The following RGS6 variants were observed in gnomAD, a reference collection of about 807,000 sequenced individuals.
RGS6 encodes the protein regulator of G-protein signaling 6.
Under a neutral mutation model 78.5 loss-of-function variants are expected in RGS6, and 30 were observed. The ratio of observed to expected loss-of-function variants is 0.38; its 90% CI spans 0.29 to 0.52. RGS6 has a LOEUF of 0.52. RGS6 is among the 20% of genes least tolerant of loss of function. The pLI, the probability that RGS6 is intolerant of heterozygous loss-of-function variation, is 0.85. For synonymous variants in RGS6, 206 were observed against 206.0 expected, an observed-to-expected ratio of 1.00 and a Z score of 0.00; for missense variants, 495 against 609.7, an observed-to-expected ratio of 0.81 and a Z score of 1.98.
chr14:71,897,195 A>G, the RGS6 span, among the ~76,000 whole-genome samples: 1 of 152,238 alleles, frequency 6.6e-6, no homozygotes, highest in East Asian at 1.9e-4. Context: ...GAATCAATGA[A>G]TAAATATTCT....
chr14:72,340,812 C>T, intron 2 of RGS6, among the ~76,000 whole-genome samples: 1 of 152,192 alleles, frequency 6.6e-6, no homozygotes, highest in Non-Finnish European at 1.5e-5. Context: ...TTTCTATTCT[C>T]TACTTCTGTC....
At chr14:72,269,135 CCCCCCCA>C (rs1175710987) in intron 2 of RGS6, among the ~76,000 whole-genome samples, 1 of 45,702 alleles carries the variant, frequency 2.2e-5, no homozygotes, top group Middle Eastern at 9.4e-3. Context: ...ATTACCTCCG[CCCCCCCA>C]CCACCCACCT....
intron 2 of RGS6, among the ~76,000 whole-genome samples, chr14:72,251,795 C>T (rs1594821688): frequency 1.3e-5 from 2 of 152,254 alleles, no homozygotes; most frequent in East Asian, 3.9e-4. Context: ...GTTCATTCCC[C>T]CAAACCTTAG....
intron 13 of RGS6, among the ~76,000 whole-genome samples, chr14:72,502,661 G>GCCTGAGGCAGGAGAATAGTTTGAA (rs1438561893): frequency 6.6e-6 from 1 of 152,198 alleles, no homozygotes. Context: ...GTACTCGGGA[G>GCCTGAGGCAGGAGAATAGTTTGAA]CCTGAGGCAG....
intron 2 of RGS6, among the ~76,000 whole-genome samples, chr14:71,977,073 T>A (rs2094172954): frequency 1.6e-5 from 2 of 121,596 alleles, no homozygotes; most frequent in Admixed American, 8.2e-5. Context: ...TTGAGAAGTG[T>A]CTGTTCATGT....
At chr14:72,229,865 C>T (rs1465211876) in intron 2 of RGS6, among the ~76,000 whole-genome samples, 2 of 152,178 alleles carry the variant, frequency 1.3e-5, no homozygotes, top group Non-Finnish European at 2.9e-5. Context: ...GGAGATACAT[C>T]CTTATATCTC....
At chr14:72,341,072 C>T (rs1043746363) in intron 2 of RGS6, among the ~76,000 whole-genome samples, 1 of 152,142 alleles carries the variant, frequency 6.6e-6, no homozygotes, top group South Asian at 2.1e-4. Context: ...TTAGTTCATT[C>T]TCACACTACT....
chr14:72,179,008 C>T (rs747751172), intron 2 of RGS6, among the ~76,000 whole-genome samples: 9 of 152,284 alleles, frequency 5.9e-5, no homozygotes, highest in African/African-American at 1.9e-4. Flanking sequence ...GGATCCAGCA[C>T]ATATTTCTGA....
chr14:72,560,857 A>G (rs2097665817), intron 17 of RGS6, among the ~76,000 whole-genome samples: 1 of 150,644 alleles, frequency 6.6e-6, no homozygotes, highest in Non-Finnish European at 1.5e-5. Context: ...GGGGAGAAAA[A>G]ATGAAAAGTT....
intron 12 of RGS6, among the ~76,000 whole-genome samples, chr14:72,481,602 T>A (rs1202388895): frequency 3.9e-5 from 6 of 152,176 alleles, no homozygotes; most frequent in African/African-American, 1.4e-4. Flanking sequence ...GTCCATTGTC[T>A]TCCTGAGTGC....
rs1283768443 is a variant in RGS6, at chr14:72,540,098, AG to A, written c.1422+5del. ...AGAAAAGTTCACTCGCAGTGTGGTA[AG>A]TTCAGTCGGTTTTCTTCCCTCAGCT... is the stretch of plus-strand genomic sequence containing the variant. On this transcript the variant is annotated splice_donor_5th_base_variant and intron_variant, in intron 17 of 17. Coordinates refer to ENST00000553525, the MANE Select transcript of RGS6 (RefSeq NM_001204424.2). The A allele has an allele frequency of 1.3e-6, 2 of 1,586,254 alleles. No homozygotes were observed. The highest frequency in any genetic ancestry group is 1.7e-6 in the Non-Finnish European group (2 of 1,176,634).
intron 2 of RGS6, among the ~76,000 whole-genome samples, chr14:71,973,922 A>G (rs1342513083): frequency 1.3e-5 from 2 of 152,212 alleles, no homozygotes; most frequent in Non-Finnish European, 2.9e-5. Context: ...GTGTCCACAG[A>G]TGAAAGGGAT....
chr14:72,470,699 G>A (rs1394285825), intron 8 of RGS6, among the ~76,000 whole-genome samples: 4 of 152,058 alleles, frequency 2.6e-5, no homozygotes, highest in Non-Finnish European at 4.4e-5. Flanking sequence ...GACTAACATG[G>A]TGAAACCCCG....
rs374012738 is a variant in RGS6 at position 72,560,402 on chromosome 14, C to T, written c.1423-2015C>T. On this transcript the variant is annotated intron_variant, in intron 17 of 17. Transcript: ENST00000553525. The stretch of plus-strand genomic sequence containing the variant: ...AGGAGGCCCCTAGGCTCAGCAGCCC[C>T]GTGTTTCCCCAGCAAGGATGCCCCA... Among the ~76,000 whole-genome samples, 216 of 152,254 alleles carry T rather than the reference C, an allele frequency of 1.4e-3. 1 individual carries two copies. Among genetic ancestry groups the T allele is most frequent in the African/African-American group, 5.1e-3 (213 of 41,544 alleles).
chr14:72,444,781 C>T (rs1468939984), intron 3 of RGS6, among the ~76,000 whole-genome samples: 1 of 152,294 alleles, frequency 6.6e-6, no homozygotes, highest in East Asian at 1.9e-4. Flanking sequence ...AGGTTGATGA[C>T]CCCTGGTTTA....
the RGS6 span, among the ~76,000 whole-genome samples, chr14:71,911,299 C>G: frequency 6.6e-6 from 1 of 152,200 alleles, no homozygotes; most frequent in Admixed American, 6.5e-5. Context: ...CAAGAACCAT[C>G]ACACTTCTTT....
chr14:72,057,568 A>T (rs150218385), intron 2 of RGS6, among the ~76,000 whole-genome samples: 22 of 152,110 alleles, frequency 1.4e-4, no homozygotes, highest in Admixed American at 1.4e-3. Flanking sequence ...TCCCATGATG[A>T]TACTCGCTGC....
chr14:72,011,299 C>A (rs750680205), intron 2 of RGS6, among the ~76,000 whole-genome samples: 13 of 152,138 alleles, frequency 8.5e-5, no homozygotes, highest in Non-Finnish European at 1.6e-4. Flanking sequence ...GGGTTCTAGT[C>A]CTGCTTTCAA....
At chr14:72,277,061 T>C (rs1224710377) in intron 2 of RGS6, among the ~76,000 whole-genome samples, 4 of 152,168 alleles carry the variant, frequency 2.6e-5, no homozygotes, top group African/African-American at 4.8e-5. Context: ...TCCATACATA[T>C]TGAATTGAAT....
Sources: allele counts gnomAD v4.1 joint callset (sites outside exome capture counted in the v4.1 genomes callset), GRCh38; gene constraint gnomAD v4.1.1; transcripts MANE v1.5; gene names NCBI Gene and HGNC (gene_info 2026-07-23, HGNC 2026-07-21).